The following TRIM36 variants were observed in gnomAD, a reference collection of about 807,000 sequenced individuals.
TRIM36 encodes the protein E3 ubiquitin-protein ligase TRIM36.
In TRIM36, 42 loss-of-function variants were observed where a neutral mutation model predicts 72.4. That is an observed-to-expected ratio of 0.58 (90% CI 0.45 to 0.75). The LOEUF (loss-of-function observed/expected upper bound fraction) is 0.75. Among genes scored for constraint, TRIM36 ranks in the 30% least tolerant of loss-of-function variants. The pLI, the probability that TRIM36 is intolerant of heterozygous loss-of-function variation, is 0.00. For missense variants in TRIM36, 913 were observed against 857.1 expected (o/e 1.07, Z -0.81); for synonymous variants, 315 against 282.8 (o/e 1.11, Z -1.14).
intron 8 of TRIM36, among the ~76,000 whole-genome samples, chr5:115,132,075 G>A (rs1342427049): frequency 6.6e-6 from 1 of 151,954 alleles, no homozygotes; most frequent in South Asian, 2.1e-4. Context: ...AGGCATCATA[G>A]TGCACACCTT....
intron 1 of TRIM36, among the ~76,000 whole-genome samples, chr5:115,169,341 G>A (rs1401405273): frequency 6.6e-6 from 1 of 152,224 alleles, no homozygotes; most frequent in African/African-American, 2.4e-5. Context: ...TGATTCCCCC[G>A]AGGTGCTCAG....
chr5:115,169,429 C>T (rs966171798), intron 1 of TRIM36, among the ~76,000 whole-genome samples, 179 bp downstream of exon 1: 14 of 152,378 alleles, frequency 9.2e-5, no homozygotes, highest in African/African-American at 3.4e-4. Flanking sequence ...AAAGGGGACG[C>T]CCCGGATTGC....
rs760345878 is a variant in TRIM36, at chr5:115,147,232, G to A, written c.425C>T (p.Ala142Val). The A allele has an allele frequency of 5.6e-6, 9 of 1,614,152 alleles. No homozygotes were observed. The highest frequency in any genetic ancestry group is 7.6e-6 in the Non-Finnish European group (9 of 1,180,044). ...TGGTTTACAAAGGTCACACATAATGGCTGTGGCTGCCCTAGCTGCTTGACG... is the reference window on the plus strand; with the variant it reads ...TGGTTTACAAAGGTCACACATAATGACTGTGGCTGCCCTAGCTGCTTGACG... ...RYRQAARAATAIMCDLCKPPP... is the reference protein window; with the variant it reads ...RYRQAARAATVIMCDLCKPPP... Residue 142 changes from alanine to valine, a missense_variant, in exon 3 of 10, where the codon GCC becomes GTC. By Grantham distance (64) the Ala-to-Val change is moderately conservative. Coordinates refer to ENST00000513154, the MANE Select transcript of TRIM36 (RefSeq NM_001300759.2).
rs745947818 is a variant in TRIM36 at position 115,163,801 on chromosome 5, T to C, written c.28-49A>G. 6.5e-6 allele frequency: 9 copies of C among 1,375,264 alleles called. No homozygotes were observed. The Admixed American group carries it at 1.4e-4, about 22-fold the overall frequency. 85.2% of individuals were successfully genotyped at this position (1,375,264 alleles called of 1,614,324 possible). On this transcript the variant is annotated intron_variant, in intron 1 of 9. Transcript: ENST00000513154. ...TAAAGGCTCTTAGTGGGTAAATATA[T>C]TAACATTCTTATACCTCCTGAATAA...
At chr5:115,152,343 T>C (rs372721686) in intron 2 of TRIM36, among the ~76,000 whole-genome samples, 8 of 152,016 alleles carry the variant, frequency 5.3e-5, no homozygotes, top group Non-Finnish European at 1.0e-4. Flanking sequence ...TAAGAAAATA[T>C]GAACAAAGCC....
chr5:115,166,258 T>C (rs1034825509), intron 1 of TRIM36, among the ~76,000 whole-genome samples: 12 of 152,048 alleles, frequency 7.9e-5, no homozygotes, highest in Non-Finnish European at 5.9e-5. Flanking sequence ...TGGCCACCCA[T>C]GGGCCAATCA....
chr5:115,142,760 G>C (rs969903340), intron 4 of TRIM36, among the ~76,000 whole-genome samples: 1 of 152,122 alleles, frequency 6.6e-6, no homozygotes, highest in Non-Finnish European at 1.5e-5. Flanking sequence ...ACTGAAAATA[G>C]GCATTGAAGA....
intron 1 of TRIM36, among the ~76,000 whole-genome samples, chr5:115,166,960 G>A (rs947277561): frequency 2.2e-4 from 34 of 152,118 alleles, no homozygotes; most frequent in African/African-American, 7.2e-4. Context: ...ACTGTACCCC[G>A]CGCTCGCTCA....
At chr5:115,141,049 C>T (rs945705345) in intron 5 of TRIM36, among the ~76,000 whole-genome samples, 4 of 151,882 alleles carry the variant, frequency 2.6e-5, no homozygotes, top group African/African-American at 7.3e-5. Flanking sequence ...TCATTTTTTC[C>T]CTCTGTGTTC....
At chr5:115,169,524 CCGGGCTCCCGG>C (rs1454363609) in intron 1 of TRIM36, 73 bp downstream of exon 1, 1 of 1,426,836 alleles carries the variant, frequency 7.0e-7, no homozygotes, top group Admixed American at 2.2e-5. Context: ...GAGGCTCCCT[CCGGGCTCCCGG>C]CGGAGGAAAG....
At chr5:115,179,738 C>A (rs548611251) in intron 1 of TRIM36, among the ~76,000 whole-genome samples, 1 of 152,368 alleles carries the variant, frequency 6.6e-6, no homozygotes, top group South Asian at 2.1e-4. Context: ...GCCCAGCTGG[C>A]CCCAAAAGCG....
intron 4 of TRIM36, among the ~76,000 whole-genome samples, chr5:115,143,688 TAAAC>T (rs1753410469): frequency 6.6e-6 from 1 of 152,188 alleles, no homozygotes; most frequent in African/African-American, 2.4e-5. Flanking sequence ...CACATACTGT[TAAAC>T]AGAGGAAAGA....
chr5:115,134,856 A>T (rs1752883342), intron 7 of TRIM36, among the ~76,000 whole-genome samples: 1 of 152,210 alleles, frequency 6.6e-6, no homozygotes, highest in South Asian at 2.1e-4. Flanking sequence ...TGAATATTTT[A>T]TCATTTCTTT....
upstream of TRIM36, chr5:115,169,926 C>T (rs1257730760): frequency 1.6e-6 from 2 of 1,273,734 alleles, no homozygotes; most frequent in African/African-American, 1.6e-5. Flanking sequence ...AACGGCGCCG[C>T]GCAGAGACCT....
chr5:115,134,266 A>T (rs1430009726), intron 7 of TRIM36, 119 bp from the exon 8 acceptor site: 16 of 823,278 alleles, frequency 1.9e-5, no homozygotes, highest in Non-Finnish European at 2.7e-5. Flanking sequence ...ATACTTTTCT[A>T]AATTTATAAT....
chr5:115,144,768 T>C, intron 3 of TRIM36, 24 bp from the exon 4 acceptor site: 1 of 1,589,548 alleles, frequency 6.3e-7, no homozygotes, highest in Non-Finnish European at 8.5e-7. Context: ...AATAAAAGTG[T>C]GATTAAGGAT....
At chr5:115,137,692 C>G (rs912813871) in intron 5 of TRIM36, 76 bp from the exon 6 acceptor site, 6 of 1,434,176 alleles carry the variant, frequency 4.2e-6, no homozygotes, top group Non-Finnish European at 3.7e-6. Flanking sequence ...AAATGGCTTT[C>G]CACAAAGTTC....
At position 115,147,050 on chromosome 5, in the gene TRIM36, T is replaced by A. The variant is rs940702895; in HGVS notation, c.588+19A>T. On this transcript the variant is annotated intron_variant, in intron 3 of 9. Transcript: ENST00000513154. ...ATTAAGTTAAAATAACATTCTAACT[T>A]AATAAAAACTTCACTTACCTTGGGT... The A allele has an allele frequency of 1.9e-6, 3 of 1,586,516 alleles. No homozygotes were observed. In the Admixed American group the frequency reaches 5.3e-5, roughly 28 times the overall value.
rs1324723586 is a variant in TRIM36, at chr5:115,161,032, T to C, written c.262+2486A>G. On this transcript the variant is annotated intron_variant, in intron 2 of 9. Transcript: ENST00000513154. ...AACTGGTGAAGGACAATCCTAAAAT[T>C]TGCATTAAAACCTCCAGGAATGATT... Among the ~76,000 whole-genome samples, 6 of 152,312 alleles carry C rather than the reference T, an allele frequency of 3.9e-5. No individual in the cohort carries two copies. In the East Asian group the frequency reaches 1.2e-3, roughly 29 times the overall value.
Sources: gnomAD v4.1 joint callset for allele counts (sites outside exome capture counted in the v4.1 genomes callset) on GRCh38, gnomAD v4.1.1 for gene constraint, MANE v1.5 for transcripts, NCBI Gene and HGNC (gene_info 2026-07-23, HGNC 2026-07-21) for gene names.